The following ARHGEF12 variants were observed in gnomAD, a reference collection of about 807,000 sequenced individuals.
ARHGEF12 encodes Rho guanine nucleotide exchange factor 12, also known as KMT2A/ARHGEF12 fusion protein.
A neutral mutation model predicts 211.2 loss-of-function variants in ARHGEF12; 66 were observed. The ratio of observed to expected loss-of-function variants is 0.31; its 90% CI spans 0.26 to 0.38. The LOEUF (loss-of-function observed/expected upper bound fraction) is 0.38, where lower values mean the gene tolerates loss of function less well. Ranked by LOEUF, ARHGEF12 falls within the 10% of genes least tolerant of loss-of-function variation. The pLI, the probability that ARHGEF12 is intolerant of heterozygous loss-of-function variation, is 1.00. For missense variants in ARHGEF12, 1,429 were observed against 1,869.5 expected (o/e 0.76, Z 4.34); for synonymous variants, 592 against 638.4 (o/e 0.93, Z 1.09).
chr11:120,443,983 G>A (rs561988408), intron 15 of ARHGEF12, among the ~76,000 whole-genome samples: 10 of 152,138 alleles, frequency 6.6e-5, no homozygotes, highest in African/African-American at 2.4e-4. Flanking sequence ...AGTATCCATG[G>A]GGGTTCCTAG....
At chr11:120,482,755 A>G (rs1486324864) in intron 39 of ARHGEF12, among the ~76,000 whole-genome samples, 1 of 152,070 alleles carries the variant, frequency 6.6e-6, no homozygotes, top group Non-Finnish European at 1.5e-5. Flanking sequence ...AAAAAAAAAA[A>G]AAAAAGTTTG....
At chr11:120,467,850 C>T (rs1946753823) in intron 29 of ARHGEF12, among the ~76,000 whole-genome samples, 1 of 152,122 alleles carries the variant, frequency 6.6e-6, no homozygotes, top group African/African-American at 2.4e-5. Flanking sequence ...AAGTCATGCT[C>T]ACTGTCTGTT....
chr11:120,458,959 G>C, intron 25 of ARHGEF12: 1 of 336,492 alleles, frequency 3.0e-6, no homozygotes, highest in African/African-American at 2.1e-5. Flanking sequence ...AAATAGTTTT[G>C]AATGATATTT....
intron 16 of ARHGEF12, 86 bp downstream of exon 16, chr11:120,445,550 TG>T: frequency 1.6e-6 from 2 of 1,279,644 alleles, no homozygotes; most frequent in Non-Finnish European, 2.3e-6. Flanking sequence ...ATCTGTCACA[TG>T]GTGACTAGTC....
At chr11:120,379,518 ATT>A (rs533283510) in intron 1 of ARHGEF12, among the ~76,000 whole-genome samples, 9 of 146,054 alleles carry the variant, frequency 6.2e-5, no homozygotes, top group African/African-American at 2.0e-4. Flanking sequence ...ATTAAGTACG[ATT>A]TTTTTTTTTT....
At chr11:120,446,820 C>A in intron 17 of ARHGEF12, 128 bp from the exon 18 acceptor site, 1 of 1,147,430 alleles carries the variant, frequency 8.7e-7, no homozygotes, top group Non-Finnish European at 1.2e-6. Context: ...ATGACATGGA[C>A]CCATAAGTGG....
chr11:120,353,352 A>G (rs1315036234), intron 1 of ARHGEF12, among the ~76,000 whole-genome samples: 2 of 152,238 alleles, frequency 1.3e-5, no homozygotes, highest in African/African-American at 2.4e-5. Context: ...GGAATGGTGC[A>G]GTCAGCCTGA....
intron 1 of ARHGEF12, among the ~76,000 whole-genome samples, chr11:120,338,162 A>T (rs973467352): frequency 6.6e-6 from 1 of 152,238 alleles, no homozygotes; most frequent in African/African-American, 2.4e-5. Context: ...CAATTTAATT[A>T]TGACACTGCA....
intron 27 of ARHGEF12, chr11:120,463,763 G>A (rs1338326878): frequency 2.0e-5 from 3 of 152,058 alleles, no homozygotes; most frequent in African/African-American, 4.8e-5. Flanking sequence ...TGTCCTACTT[G>A]AAAAAATACT....
chr11:120,363,734 C>T (rs1012179952), intron 1 of ARHGEF12, among the ~76,000 whole-genome samples: 5 of 152,132 alleles, frequency 3.3e-5, no homozygotes, highest in Admixed American at 1.3e-4. Flanking sequence ...TTACCACTTT[C>T]CCTTATTATG....
chr11:120,437,573 G>A (rs749170904), intron 12 of ARHGEF12, among the ~76,000 whole-genome samples, 191 bp downstream of exon 12: 1 of 151,976 alleles, frequency 6.6e-6, no homozygotes, highest in Non-Finnish European at 1.5e-5. Flanking sequence ...GTATTCTTAG[G>A]TTCCTTCATA....
intron 2 of ARHGEF12, 147 bp downstream of exon 2, chr11:120,406,288 T>C (rs1944701439): frequency 3.8e-6 from 2 of 521,168 alleles, no homozygotes; most frequent in South Asian, 4.4e-5. Flanking sequence ...AAATTTAAAA[T>C]GTAAAAGATG....
intron 8 of ARHGEF12, 128 bp from the exon 9 acceptor site, chr11:120,429,312 G>C: frequency 1.6e-6 from 1 of 640,756 alleles, no homozygotes; most frequent in Non-Finnish European, 2.6e-6. Flanking sequence ...TAACCCGGAA[G>C]TAAAAACCTA....
At chr11:120,390,783 A>C (rs1944189934) in intron 1 of ARHGEF12, among the ~76,000 whole-genome samples, 1 of 152,214 alleles carries the variant, frequency 6.6e-6, no homozygotes, top group South Asian at 2.1e-4. Flanking sequence ...CAAGGGTTCT[A>C]GTTAGACTGT....
chr11:120,458,734 T>G (rs1773078568), intron 25 of ARHGEF12: 1 of 160,938 alleles, frequency 6.2e-6, no homozygotes, highest in South Asian at 1.8e-4. Context: ...ATAAATATCT[T>G]GTCTCTGACA....
At chr11:120,446,814 C>A in intron 17 of ARHGEF12, 134 bp from the exon 18 acceptor site, 1 of 1,093,090 alleles carries the variant, frequency 9.1e-7, no homozygotes. Context: ...TCCTAGATGA[C>A]ATGGACCCAT....
chr11:120,436,187 T>C (rs1945688499), intron 11 of ARHGEF12, among the ~76,000 whole-genome samples: 1 of 152,182 alleles, frequency 6.6e-6, no homozygotes, highest in Non-Finnish European at 1.5e-5. Context: ...TCAAATTTTC[T>C]CCTGTGTTCT....
In ARHGEF12 at chr11:120,489,700, G is replaced by A. The variant is rs1947484565; in HGVS notation, c.*4623G>A. ...AATAAGCGTAATAAAATGCTTAGTA[G>A]TTTATACCATCTTTTAGTTAAACAT... On this transcript the variant is annotated 3_prime_UTR_variant, in exon 41 of 41. Transcript: ENST00000397843. 1 of 205,810 alleles carries A rather than the reference G, an allele frequency of 4.9e-6. No individual in the cohort carries two copies. Among genetic ancestry groups the A allele is most frequent in the African/African-American group, 2.3e-5 (1 of 43,852 alleles). The allele number at this position is 205,810 out of a possible 1,614,324, so 12.7% of individuals were successfully genotyped here. A position where few individuals can be genotyped will look rare whatever the true frequency, so the allele number is the denominator to read the frequency against.
intron 1 of ARHGEF12, among the ~76,000 whole-genome samples, chr11:120,347,212 T>TTTTC (rs1358425870): frequency 8.0e-5 from 7 of 87,480 alleles, no homozygotes; most frequent in East Asian, 3.3e-4. Context: ...TTCTCTTTCT[T>TTTTC]TTTCTTTCTT....
Sources: gnomAD v4.1 joint callset for allele counts (sites outside exome capture counted in the v4.1 genomes callset) on GRCh38, gnomAD v4.1.1 for gene constraint, MANE v1.5 for transcripts, NCBI Gene and HGNC (gene_info 2026-07-23, HGNC 2026-07-21) for gene names.